GDA: variants seen among roughly 807,000 people sequenced by gnomAD.
The protein encoded by GDA is guanine deaminase.
Under a neutral mutation model 59.6 loss-of-function variants are expected in GDA, and 18 were observed. The ratio of observed to expected loss-of-function variants is 0.30; its 90% CI spans 0.21 to 0.45. GDA has a LOEUF of 0.45. GDA is among the 20% of genes least tolerant of loss of function. The probability of loss-of-function intolerance (pLI) is 1.00; values close to 1 mark genes in which losing one functional copy is unlikely to be tolerated. For missense variants in GDA, 427 were observed against 552.3 expected, an observed-to-expected ratio of 0.77 and a Z score of 2.27; for synonymous variants, 201 against 201.1, an observed-to-expected ratio of 1.00 and a Z score of 0.00.
chr9:72,230,823 A>C (rs1838249597), intron 9 of GDA, among the ~76,000 whole-genome samples: 1 of 152,082 alleles, frequency 6.6e-6, no homozygotes. Context: ...ATTAATTGCA[A>C]AGTTTGATTT....
At chr9:72,233,198 C>T (rs1008732444) in intron 10 of GDA, among the ~76,000 whole-genome samples, 10 of 152,184 alleles carry the variant, frequency 6.6e-5, no homozygotes, top group Non-Finnish European at 1.5e-5. Flanking sequence ...AAGAGCAATT[C>T]ACACACCCTG....
chr9:72,156,697 G>A (rs1003252648), intron 1 of GDA, among the ~76,000 whole-genome samples: 1 of 152,196 alleles, frequency 6.6e-6, no homozygotes, highest in East Asian at 1.9e-4. Context: ...GACTCAGCCT[G>A]TGGATACATC....
chr9:72,161,302 T>C (rs1828607531), intron 1 of GDA, among the ~76,000 whole-genome samples: 1 of 152,350 alleles, frequency 6.6e-6, no homozygotes, highest in East Asian at 1.9e-4. Context: ...CACAACTTTA[T>C]CACCTTTGTG....
At chr9:72,239,525 C>T (rs896700166) in intron 10 of GDA, among the ~76,000 whole-genome samples, 3 of 152,068 alleles carry the variant, frequency 2.0e-5, no homozygotes, top group Non-Finnish European at 2.9e-5. Flanking sequence ...TGTTTACTTC[C>T]AGTCGTTACC....
At chr9:72,217,639 C>T (rs5025470) in intron 5 of GDA, among the ~76,000 whole-genome samples, 17,138 of 152,130 alleles carry the variant, frequency 0.11, 1,390 homozygotes, top group African/African-American at 0.22. Context: ...TGAAGTAAAT[C>T]ATTTACCCTC....
At chr9:72,147,868 A>C (rs541743981), upstream of GDA, among the ~76,000 whole-genome samples, 102 of 152,314 alleles carry the variant, frequency 6.7e-4, no homozygotes, top group South Asian at 2.5e-3. Context: ...GAGCAGGGAC[A>C]AGTGTAATGA....
At chr9:72,159,744 A>C in intron 1 of GDA, among the ~76,000 whole-genome samples, 1 of 152,206 alleles carries the variant, frequency 6.6e-6, no homozygotes, top group East Asian at 1.9e-4. Flanking sequence ...AAACTTAAAT[A>C]ATTACTTTTG....
intron 3 of GDA, among the ~76,000 whole-genome samples, chr9:72,203,798 T>A (rs970486356): frequency 6.6e-6 from 1 of 151,834 alleles, no homozygotes; most frequent in Admixed American, 6.6e-5. Flanking sequence ...TCTTAGAGAG[T>A]AAAAGCAAGT....
At chr9:72,253,799 C>T (rs577679417), downstream of GDA, among the ~76,000 whole-genome samples, 15 of 152,004 alleles carry the variant, frequency 9.9e-5, no homozygotes, top group East Asian at 1.9e-4. Context: ...AATATATAAA[C>T]GTGCAAATTA....
chr9:72,241,049 G>A (rs1043989015), intron 10 of GDA, 103 bp from the exon 11 acceptor site: 3 of 709,812 alleles, frequency 4.2e-6, no homozygotes, highest in Non-Finnish European at 2.2e-6. Context: ...TTTAAAAAAA[G>A]TATATTAAGG....
At chr9:72,190,597 C>T (rs1349464691) in intron 1 of GDA, among the ~76,000 whole-genome samples, 2 of 152,132 alleles carry the variant, frequency 1.3e-5, no homozygotes, top group East Asian at 1.9e-4. Flanking sequence ...CAAAAGTTAT[C>T]GCTCATTTTA....
intron 1 of GDA, among the ~76,000 whole-genome samples, chr9:72,124,750 G>T (rs1564146331): frequency 1.3e-5 from 2 of 152,018 alleles, no homozygotes; most frequent in South Asian, 2.1e-4. Context: ...GTGGCTAATG[G>T]GTTATGGGAA....
At chr9:72,166,355 A>C (rs970321058) in intron 1 of GDA, among the ~76,000 whole-genome samples, 1 of 137,288 alleles carries the variant, frequency 7.3e-6, no homozygotes, top group African/African-American at 2.6e-5. Flanking sequence ...GAGTTGAAAA[A>C]GTTGATCTTA....
Position 72,149,640 on chromosome 9 carries a change from G to A in GDA, c.81G>A (p.Glu27=), listed in dbSNP as rs1826896159. ...ACTCCACCTGGACCTGCCCCATGGA[G>A]GTGCTGCGGGATCACCTCCTCGGCG... ...FVHSTWTCPM[E]VLRDHLLGVS... is the part of the protein sequence containing the mutation. The change falls in exon 1 of 14, where the codon GAG becomes GAA. Residue 27 remains glutamate (E), a synonymous_variant. Transcript: ENST00000358399. 1 of 1,608,012 alleles carries A rather than the reference G, an allele frequency of 6.2e-7. No individual in the cohort carries two copies. The highest frequency in any genetic ancestry group is 8.5e-7 in the Non-Finnish European group (1 of 1,177,892).
At chr9:72,220,916 C>T (rs1199772579) in intron 6 of GDA, among the ~76,000 whole-genome samples, 1 of 152,158 alleles carries the variant, frequency 6.6e-6, no homozygotes, top group Non-Finnish European at 1.5e-5. Flanking sequence ...CTGTTTCCTG[C>T]CTCCACCCCT....
At chr9:72,122,324 C>G (rs903122112) in intron 1 of GDA, among the ~76,000 whole-genome samples, 2 of 152,128 alleles carry the variant, frequency 1.3e-5, no homozygotes, top group Non-Finnish European at 2.9e-5. Flanking sequence ...CATCTCTGGG[C>G]TCTGGGCATT....
rs760718998 is a variant in GDA at position 72,213,873 on chromosome 9, G to C, written c.473-13G>C. ...AAACATGCCTTCATATTCTTTTTGT[G>C]TATACTTTACAGATAAATTTGGACA... On this transcript the variant is annotated splice_polypyrimidine_tract_variant and intron_variant, in intron 4 of 13. Transcript: ENST00000358399. The C allele has an allele frequency of 7.1e-7, 1 of 1,405,558 alleles. No homozygotes were observed. Among genetic ancestry groups the C allele is most frequent in the Non-Finnish European group, 1.0e-6 (1 of 991,210 alleles). 87.1% of individuals were successfully genotyped at this position (1,405,558 alleles called of 1,614,324 possible).
intron 12 of GDA, among the ~76,000 whole-genome samples, chr9:72,246,661 T>C (rs1417445916): frequency 6.6e-6 from 1 of 152,122 alleles, no homozygotes; most frequent in Non-Finnish European, 1.5e-5. Flanking sequence ...ATCCTTTAGC[T>C]TCAGAGATCA....
chr9:72,248,564 T>A lies in GDA; in HGVS notation c.*222T>A. The A allele has an allele frequency of 7.4e-7, 1 of 1,359,074 alleles. No individual in the cohort carries two copies. Among genetic ancestry groups the A allele is most frequent in the Non-Finnish European group, 9.5e-7 (1 of 1,056,164 alleles). The allele number at this position is 1,359,074 out of a possible 1,614,324, so 84.2% of individuals were successfully genotyped here. A position where few individuals can be genotyped will look rare whatever the true frequency, so the allele number is the denominator to read the frequency against. ...CATAAATTTCATGAAAATATCTCCC[T>A]TTGGAGCTGCTCAGACTTACTTTAA... is the stretch of plus-strand genomic sequence containing the variant. On this transcript the variant is annotated 3_prime_UTR_variant, in exon 14 of 14. Transcript: ENST00000358399.
Sources: allele counts gnomAD v4.1 joint callset (sites outside exome capture counted in the v4.1 genomes callset), GRCh38; gene constraint gnomAD v4.1.1; transcripts MANE v1.5; gene names NCBI Gene and HGNC (gene_info 2026-07-23, HGNC 2026-07-21).